The following RCOR3 variants were observed in gnomAD, a reference collection of about 807,000 sequenced individuals.
RCOR3 encodes REST corepressor 3.
A neutral mutation model predicts 64.1 loss-of-function variants in RCOR3; 13 were observed. The ratio of observed to expected loss-of-function variants is 0.20; its 90% CI spans 0.13 to 0.32. RCOR3 has a LOEUF of 0.32. Among genes scored for constraint, RCOR3 ranks in the 10% least tolerant of loss-of-function variants. RCOR3 has a pLI of 1.00. For synonymous variants in RCOR3, 215 were observed against 239.0 expected (o/e 0.90, Z 0.93); for missense variants, 489 against 701.2 (o/e 0.70, Z 3.42).
chr1:211,310,045 G>C (rs1056220704), intron 10 of RCOR3, among the ~76,000 whole-genome samples: 1 of 152,176 alleles, frequency 6.6e-6, no homozygotes, highest in African/African-American at 2.4e-5. Flanking sequence ...GTTTAGGGAA[G>C]AACAATAGAA....
At chr1:211,301,777 C>G (rs1196737840) in intron 9 of RCOR3, 1 of 152,038 alleles carries the variant, frequency 6.6e-6, no homozygotes, top group African/African-American at 2.4e-5. Context: ...ATTCATTCAT[C>G]TTCTGATTTG....
intron 3 of RCOR3, among the ~76,000 whole-genome samples, chr1:211,273,706 T>C (rs1696561609): frequency 6.6e-6 from 1 of 152,112 alleles, no homozygotes; most frequent in Non-Finnish European, 1.5e-5. Context: ...CTGAAGAAAA[T>C]TTAGAGTACT....
At chr1:211,289,469 G>A in intron 8 of RCOR3, 73 bp downstream of exon 8, 1 of 1,217,630 alleles carries the variant, frequency 8.2e-7, no homozygotes, top group East Asian at 2.6e-5. Context: ...TACCTAGGTT[G>A]AGCTCAGTTG....
At position 211,312,297 on chromosome 1, in the gene RCOR3, A is replaced by AAG. The variant is rs1701575744; in HGVS notation, c.1076-417_1076-416dup. ...TACTCACTCAGTCCATTGAGGGGAT[A>AAG]AGAGAGATGGCTCATTCCCATCCAG... On this transcript the variant is annotated intron_variant, in intron 10 of 11. Coordinates refer to ENST00000419091, the MANE Select transcript of RCOR3 (RefSeq NM_001136223.3). This position sits in a 1 kb window ranked among gnomAD's most constrained non-coding sequence, Gnocchi z 5.0. The AAG allele has an allele frequency of 8.8e-6, 4 of 456,160 alleles. No homozygotes were observed. The highest frequency in any genetic ancestry group is 1.3e-5 in the Non-Finnish European group (3 of 226,726). 28.3% of individuals were successfully genotyped at this position (456,160 alleles called of 1,614,324 possible). A position where few individuals can be genotyped will look rare whatever the true frequency, so the allele number is the denominator to read the frequency against.
In RCOR3 at chr1:211,314,115, A is replaced by G. The variant is rs1268026928; in HGVS notation, c.*347A>G. 1 of 192,462 alleles carries G rather than the reference A, an allele frequency of 5.2e-6. No individual in the cohort carries two copies. The highest frequency in any genetic ancestry group is 1.1e-5 in the Non-Finnish European group (1 of 93,064). The allele number at this position is 192,462 out of a possible 1,614,324, so 11.9% of individuals were successfully genotyped here. On this transcript the variant is annotated 3_prime_UTR_variant, in exon 12 of 12. Coordinates refer to ENST00000419091, the MANE Select transcript of RCOR3 (RefSeq NM_001136223.3). ...AGGTTCTTTATATTCCTGCCTCTTC[A>G]TAGTCAAGGCTCTTAGTACAGGAAT... is the stretch of plus-strand genomic sequence containing the variant.
chr1:211,288,707 A>G (rs1270555488), intron 7 of RCOR3, among the ~76,000 whole-genome samples: 1 of 151,716 alleles, frequency 6.6e-6, no homozygotes, highest in African/African-American at 2.4e-5. Flanking sequence ...AGCAACTGTA[A>G]AGTAAAAATG....
chr1:211,260,021 C>A, intron 1 of RCOR3, 87 bp from the exon 2 acceptor site: 2 of 1,432,258 alleles, frequency 1.4e-6, no homozygotes, highest in South Asian at 1.5e-5. Flanking sequence ...CTCCATCTAG[C>A]GATTTTTATT....
At chr1:211,307,451 A>C (rs1256858654) in intron 10 of RCOR3, among the ~76,000 whole-genome samples, 3 of 152,046 alleles carry the variant, frequency 2.0e-5, no homozygotes, top group Non-Finnish European at 2.9e-5. Context: ...ATGGCACTCC[A>C]GCCTGGGCAG....
At chr1:211,306,682 A>G (rs1429558940) in intron 10 of RCOR3, among the ~76,000 whole-genome samples, 1 of 152,290 alleles carries the variant, frequency 6.6e-6, no homozygotes. Context: ...GTAGGGCTTA[A>G]ATATGTATTT....
At chr1:211,279,359 C>T in intron 7 of RCOR3, 43 bp downstream of exon 7, 2 of 1,423,416 alleles carry the variant, frequency 1.4e-6, no homozygotes, top group African/African-American at 1.4e-5. Flanking sequence ...TTCTACAAAT[C>T]TGCTGAAAAA....
chr1:211,290,973 T>G lies in RCOR3; in HGVS notation c.939+1577T>G, dbSNP rs187148622. On this transcript the variant is annotated intron_variant, in intron 8 of 11. Coordinates refer to ENST00000419091, the MANE Select transcript of RCOR3 (RefSeq NM_001136223.3). ...TGCATTTTCTTGTTTGTTTGTTTGGTTTTTTTTTTGCTTTTATAGTTGCTT... is the reference window on the plus strand; with the variant it reads ...TGCATTTTCTTGTTTGTTTGTTTGGGTTTTTTTTTGCTTTTATAGTTGCTT... Among the ~76,000 whole-genome samples, 43 of 98,172 alleles carry G rather than the reference T, an allele frequency of 4.4e-4. 1 individual carries two copies. The highest frequency in any genetic ancestry group is 2.3e-3 in the Admixed American group (23 of 10,054). The allele number at this position is 98,172 out of a possible 152,430, so 64.4% of individuals were successfully genotyped here.
intron 9 of RCOR3, among the ~76,000 whole-genome samples, chr1:211,296,335 AC>A (rs2102609912): frequency 7.9e-5 from 1 of 12,616 alleles, no homozygotes; most frequent in African/African-American, 1.3e-4. Flanking sequence ...TTATAGGGGT[AC>A]TTAACATTCC....
rs1693831480 is a variant in RCOR3 at position 211,259,699 on chromosome 1, A to C, written c.139A>C (p.Ser47Arg). The change falls in exon 1 of 12, where the codon AGC (serine) becomes CGC (arginine). Residue 47 changes from serine (S) to arginine (R), a missense_variant. By Grantham distance (110) the Ser-to-Arg change is moderately radical. Coordinates refer to ENST00000419091, the MANE Select transcript of RCOR3 (RefSeq NM_001136223.3). ...CGGGCTGCACTACTCAGAGCCCGAG[A>C]GCGGCTGCAGCAGCGACGACGAGCA... ...NGGLHYSEPE[S>R]GCSSDDEHDV... is the part of the protein sequence containing the mutation. The C allele has an allele frequency of 1.3e-6, 2 of 1,528,196 alleles. No homozygotes were observed. Among genetic ancestry groups the C allele is most frequent in the East Asian group, 2.5e-5 (1 of 39,258 alleles). The allele number at this position is 1,528,196 out of a possible 1,614,324, so 94.7% of individuals were successfully genotyped here.
At chr1:211,274,441 T>C (rs1302961081) in intron 4 of RCOR3, among the ~76,000 whole-genome samples, 179 bp downstream of exon 4, 1 of 152,130 alleles carries the variant, frequency 6.6e-6, no homozygotes, top group East Asian at 1.9e-4. Context: ...TTATAAACAT[T>C]ATTCATCTCA....
At chr1:211,293,345 C>T (rs549215586) in intron 8 of RCOR3, among the ~76,000 whole-genome samples, 6 of 152,158 alleles carry the variant, frequency 3.9e-5, no homozygotes, top group African/African-American at 1.4e-4. Context: ...CTTAAAAATC[C>T]TTTAGGTTTC....
chr1:211,283,810 G>A (rs925625692), intron 7 of RCOR3, among the ~76,000 whole-genome samples: 38 of 129,684 alleles, frequency 2.9e-4, no homozygotes, highest in Admixed American at 1.4e-3. Flanking sequence ...TGCCTGGCTT[G>A]TATTTTTTTT....
intron 3 of RCOR3, among the ~76,000 whole-genome samples, chr1:211,272,930 T>C (rs1696445263): frequency 6.6e-6 from 1 of 152,216 alleles, no homozygotes; most frequent in Non-Finnish European, 1.5e-5. Context: ...CTGGATGTCT[T>C]ACTTTTTAAA....
At chr1:211,271,404 A>G (rs745552428) in intron 3 of RCOR3, 95 bp downstream of exon 3, 8 of 885,174 alleles carry the variant, frequency 9.0e-6, no homozygotes, top group Middle Eastern at 2.5e-4. Context: ...ATAGATTCTC[A>G]TAAGAAAACA....
chr1:211,276,594 A>T (rs1696987017), intron 5 of RCOR3, among the ~76,000 whole-genome samples, 176 bp downstream of exon 5: 1 of 152,240 alleles, frequency 6.6e-6, no homozygotes, highest in South Asian at 2.1e-4. Context: ...CATGACAGTT[A>T]TGTGCTATTG....
Sources: gnomAD v4.1 joint callset for allele counts (sites outside exome capture counted in the v4.1 genomes callset) on GRCh38, gnomAD v4.1.1 for gene constraint, Gnocchi (gnomAD v3.1) non-coding constraint, MANE v1.5 for transcripts, NCBI Gene and HGNC (gene_info 2026-07-23, HGNC 2026-07-21) for gene names.